The following SEC63 variants were observed in gnomAD, a reference collection of about 807,000 sequenced individuals.
SEC63 encodes translocation protein SEC63 homolog.
Under a neutral mutation model 116.2 loss-of-function variants are expected in SEC63, and 56 were observed. The observed-to-expected ratio is 0.48, with a 90% CI of 0.39 to 0.60. The LOEUF (loss-of-function observed/expected upper bound fraction) is 0.60, where lower values mean the gene tolerates loss of function less well. Ranked by LOEUF, SEC63 falls within the 20% of genes least tolerant of loss-of-function variation. The pLI is 0.00. For missense variants in SEC63, 668 were observed against 900.0 expected, an observed-to-expected ratio of 0.74 and a Z score of 3.30; for synonymous variants, 273 against 294.6, an observed-to-expected ratio of 0.93 and a Z score of 0.75.
At chr6:107,875,091 T>G (rs1786231435) in intron 19 of SEC63, among the ~76,000 whole-genome samples, 1 of 152,116 alleles carries the variant, frequency 6.6e-6, no homozygotes, top group Non-Finnish European at 1.5e-5. Flanking sequence ...GCTGAATTCC[T>G]GGGCTCAACT....
intron 16 of SEC63, among the ~76,000 whole-genome samples, chr6:107,884,203 G>A (rs1028604404): frequency 6.6e-6 from 1 of 151,248 alleles, no homozygotes; most frequent in African/African-American, 2.4e-5. Context: ...TTGGTAGGCG[G>A]AGGTTGCAGT....
intron 16 of SEC63, 123 bp downstream of exon 16, chr6:107,893,359 C>T (rs2114426544): frequency 1.1e-6 from 1 of 885,328 alleles, no homozygotes; most frequent in Non-Finnish European, 1.8e-6. Flanking sequence ...CACAAGGGAG[C>T]TTTCTAGGGT....
chr6:107,913,262 T>G, intron 5 of SEC63, 104 bp downstream of exon 5: 42 of 824,734 alleles, frequency 5.1e-5, no homozygotes, highest in Non-Finnish European at 8.0e-5. Context: ...AAACTCCATG[T>G]GAGTATAAGT....
At chr6:107,893,948 T>G in intron 14 of SEC63, 51 bp from the exon 15 acceptor site, 1 of 1,579,910 alleles carries the variant, frequency 6.3e-7, no homozygotes, top group Non-Finnish European at 8.7e-7. Context: ...TATATTTATC[T>G]TTCAGACAAA....
At chr6:107,956,037 CG>C in intron 1 of SEC63, 3 of 409,226 alleles carry the variant, frequency 7.3e-6, no homozygotes, top group Non-Finnish European at 5.0e-6. Flanking sequence ...GCCAGCTACT[CG>C]GGGGGCTGAA....
chr6:107,925,962 C>T (rs35174240), intron 2 of SEC63, among the ~76,000 whole-genome samples: 13,624 of 152,164 alleles, frequency 0.09, 710 homozygotes, highest in Non-Finnish European at 0.11. Flanking sequence ...AAACTACAAG[C>T]ACATGCCACC....
At chr6:107,943,598 A>G (rs1411466484) in intron 1 of SEC63, among the ~76,000 whole-genome samples, 2 of 152,224 alleles carry the variant, frequency 1.3e-5, no homozygotes, top group African/African-American at 4.8e-5. Context: ...TTAGTAAGGT[A>G]GGGGTAAGAA....
chr6:107,871,954 G>GT lies in SEC63; in HGVS notation c.2140-108dup, dbSNP rs1286627488. 3 of 1,063,912 alleles carry GT rather than the reference G, an allele frequency of 2.8e-6. No homozygotes were observed. The Admixed American group carries it at 5.9e-5, about 21-fold the overall frequency. 65.9% of individuals were successfully genotyped at this position (1,063,912 alleles called of 1,614,324 possible). On this transcript the variant is annotated intron_variant, in intron 20 of 20. Coordinates refer to ENST00000369002, the MANE Select transcript of SEC63 (RefSeq NM_007214.5). Reference sequence around the variant, plus strand: ...TGACCACAGCAATTACAAAGAAATAGTTTTTTATGGACACAATTCTAAATT... The same window carrying GT: ...TGACCACAGCAATTACAAAGAAATAGTTTTTTTATGGACACAATTCTAAATT...
chr6:107,950,947 CTT>C (rs1400465013), intron 1 of SEC63, among the ~76,000 whole-genome samples: 1 of 152,124 alleles, frequency 6.6e-6, no homozygotes, highest in Admixed American at 6.6e-5. Flanking sequence ...AGATAATACT[CTT>C]GTCAAATATA....
At chr6:107,920,843 C>A (rs1379586809) in intron 4 of SEC63, among the ~76,000 whole-genome samples, 1 of 152,134 alleles carries the variant, frequency 6.6e-6, no homozygotes, top group Non-Finnish European at 1.5e-5. Flanking sequence ...ACAAATGTTC[C>A]TCAAACTTTA....
intron 1 of SEC63, among the ~76,000 whole-genome samples, chr6:107,935,812 AAAAT>A (rs2114498861): frequency 2.0e-5 from 3 of 152,278 alleles, no homozygotes; most frequent in Non-Finnish European, 2.9e-5. Flanking sequence ...AAAATAAAAT[AAAAT>A]AAAGAAACAC....
intron 14 of SEC63, among the ~76,000 whole-genome samples, chr6:107,897,340 G>A (rs528080293): frequency 1.4e-4 from 21 of 152,214 alleles, no homozygotes; most frequent in African/African-American, 4.8e-4. Context: ...AAAGGAATAG[G>A]TGATGAAATT....
At chr6:107,908,413 C>T (rs1787199720) in intron 8 of SEC63, among the ~76,000 whole-genome samples, 1 of 152,124 alleles carries the variant, frequency 6.6e-6, no homozygotes, top group African/African-American at 2.4e-5. Flanking sequence ...ACACCTAAGA[C>T]TTTTTATTTT....
chr6:107,924,756 G>C, intron 3 of SEC63, 62 bp downstream of exon 3: 1 of 808,192 alleles, frequency 1.2e-6, no homozygotes, highest in Non-Finnish European at 2.2e-6. Context: ...TTTAGAATGA[G>C]GACCTATAGC....
At chr6:107,910,759 A>T (rs1180778952) in intron 7 of SEC63, among the ~76,000 whole-genome samples, 1 of 152,100 alleles carries the variant, frequency 6.6e-6, no homozygotes, top group Non-Finnish European at 1.5e-5. Flanking sequence ...ACTCAGTTGT[A>T]ACTTTTGTGA....
chr6:107,878,314 AAT>A (rs1388399612), intron 18 of SEC63, among the ~76,000 whole-genome samples: 2 of 152,222 alleles, frequency 1.3e-5, no homozygotes, highest in African/African-American at 2.4e-5. Flanking sequence ...TACAAATAAA[AAT>A]ATATGTTACA....
At chr6:107,941,599 C>T (rs899680860) in intron 1 of SEC63, among the ~76,000 whole-genome samples, 2 of 152,044 alleles carry the variant, frequency 1.3e-5, no homozygotes, top group Non-Finnish European at 2.9e-5. Context: ...ATCATTAATA[C>T]CATTGTAGTA....
intron 17 of SEC63, among the ~76,000 whole-genome samples, chr6:107,882,194 C>T (rs1470665408): frequency 5.3e-5 from 8 of 152,092 alleles, no homozygotes; most frequent in African/African-American, 1.9e-4. Context: ...TGCCCTTTAC[C>T]TCTTCCTCTT....
chr6:107,885,299 T>C (rs917872330), intron 16 of SEC63, among the ~76,000 whole-genome samples: 42 of 151,954 alleles, frequency 2.8e-4, no homozygotes, highest in African/African-American at 9.2e-4. Flanking sequence ...ATGGTTAGAA[T>C]TATTGCCAAT....
Sources: allele counts gnomAD v4.1 joint callset (sites outside exome capture counted in the v4.1 genomes callset), GRCh38; gene constraint gnomAD v4.1.1; transcripts MANE v1.5; gene names NCBI Gene and HGNC (gene_info 2026-07-23, HGNC 2026-07-21).